The following SGCZ variants were observed in gnomAD, a reference collection of about 807,000 sequenced individuals.
The protein encoded by SGCZ is zeta-sarcoglycan.
Under a neutral mutation model 41.3 loss-of-function variants are expected in SGCZ, and 40 were observed. The observed-to-expected ratio is 0.97, with a 90% CI of 0.75 to 1.26. The LOEUF (loss-of-function observed/expected upper bound fraction) is 1.26. SGCZ is among the 50% of genes most tolerant of loss of function. The pLI is 0.00. For missense variants in SGCZ, 552 were observed against 369.8 expected, an observed-to-expected ratio of 1.49 and a Z score of -4.04; for synonymous variants, 206 against 137.5, an observed-to-expected ratio of 1.50 and a Z score of -3.49.
chr8:14,246,355 C>T (rs1338571129), intron 3 of SGCZ, among the ~76,000 whole-genome samples: 1 of 151,590 alleles, frequency 6.6e-6, no homozygotes, highest in South Asian at 2.1e-4. Flanking sequence ...GACAAAAAAC[C>T]AATCACTGCA....
intron 1 of SGCZ, among the ~76,000 whole-genome samples, chr8:14,631,977 T>C (rs1370193421): frequency 6.6e-6 from 1 of 152,148 alleles, no homozygotes; most frequent in Non-Finnish European, 1.5e-5. Context: ...ATTATTACAA[T>C]AGAAACATTT....
rs367691279 is a variant in SGCZ, at chr8:14,558,866, T to A, written c.40-3940A>T. 1.8e-3 allele frequency among the ~76,000 whole-genome samples: 280 copies of A among 151,870 alleles called. 1 individual carries two copies. Among genetic ancestry groups the A allele is most frequent in the African/African-American group, 6.5e-3 (270 of 41,420 alleles). ...AATATGATACACCACATAAATAGAA[T>A]CAGAAACAAAAATCACATAATCATC... On this transcript the variant is annotated intron_variant, in intron 1 of 7. Coordinates refer to ENST00000382080, the MANE Select transcript of SGCZ (RefSeq NM_139167.4).
intron 2 of SGCZ, among the ~76,000 whole-genome samples, chr8:14,533,346 C>A (rs1487949215): frequency 2.0e-5 from 3 of 151,834 alleles, no homozygotes; most frequent in Admixed American, 6.6e-5. Context: ...AAAAATTGGA[C>A]CTTTTCTTAT....
At chr8:15,199,460 AGATTCGAAT>A (rs1800829053) in intron 1 of SGCZ, among the ~76,000 whole-genome samples, 1 of 152,184 alleles carries the variant, frequency 6.6e-6, no homozygotes, top group South Asian at 2.1e-4. Context: ...ATTACTTATG[AGATTCGAAT>A]GATCCATGTG....
Position 14,275,304 on chromosome 8 carries a change from T to C in SGCZ, c.337-37625A>G, listed in dbSNP as rs559431038. 5.3e-5 allele frequency among the ~76,000 whole-genome samples: 8 copies of C among 152,290 alleles called. No homozygotes were observed. In the East Asian group the frequency reaches 1.5e-3, roughly 29 times the overall value. ...TCTCAGTAGGATGACTTCTTCCCTA[T>C]CCCTTTTGATAAAACCTGATCAAAA... On this transcript the variant is annotated intron_variant, in intron 3 of 7. Coordinates refer to ENST00000382080, the MANE Select transcript of SGCZ (RefSeq NM_139167.4).
intron 1 of SGCZ, among the ~76,000 whole-genome samples, chr8:15,218,083 T>C (rs1227609421): frequency 6.6e-6 from 1 of 152,200 alleles, no homozygotes; most frequent in Non-Finnish European, 1.5e-5. Context: ...TTACATAAAA[T>C]ACATGTATTT....
At chr8:14,759,563 G>A (rs759722352) in intron 1 of SGCZ, among the ~76,000 whole-genome samples, 60 of 152,074 alleles carry the variant, frequency 3.9e-4, no homozygotes, top group Non-Finnish European at 8.1e-4. Context: ...AGTCTCTAAT[G>A]ATTTCTTGGT....
intron 1 of SGCZ, among the ~76,000 whole-genome samples, chr8:15,048,234 G>C (rs1218255752): frequency 6.6e-6 from 1 of 151,996 alleles, no homozygotes; most frequent in African/African-American, 2.4e-5. Flanking sequence ...GGCACAGAAA[G>C]AAAAATATCA....
intron 2 of SGCZ, among the ~76,000 whole-genome samples, chr8:14,401,929 C>T (rs1243878387): frequency 1.3e-5 from 2 of 150,784 alleles, no homozygotes; most frequent in African/African-American, 5.0e-5. Context: ...TCCTATTTCT[C>T]CACAACCTCT....
At chr8:14,890,110 G>A (rs977481880) in intron 1 of SGCZ, among the ~76,000 whole-genome samples, 28 of 151,908 alleles carry the variant, frequency 1.8e-4, no homozygotes, top group Admixed American at 7.9e-4. Flanking sequence ...CCAGCTACTC[G>A]GGAGGCTGAG....
intron 3 of SGCZ, among the ~76,000 whole-genome samples, chr8:14,311,503 G>T (rs1421794089): frequency 6.6e-6 from 1 of 152,138 alleles, no homozygotes; most frequent in Non-Finnish European, 1.5e-5. Flanking sequence ...TTCACAGCTA[G>T]ATCTCTTCAA....
At chr8:14,777,793 A>T (rs1486504906) in intron 1 of SGCZ, among the ~76,000 whole-genome samples, 5 of 152,094 alleles carry the variant, frequency 3.3e-5, no homozygotes, top group Non-Finnish European at 7.4e-5. Context: ...GGAGTAATAG[A>T]GAAAATAAAG....
intron 1 of SGCZ, among the ~76,000 whole-genome samples, chr8:15,156,434 C>T (rs958686943): frequency 6.6e-6 from 1 of 152,180 alleles, no homozygotes; most frequent in Non-Finnish European, 1.5e-5. Flanking sequence ...CTCATTTTAT[C>T]AGCATGGTGA....
intron 1 of SGCZ, among the ~76,000 whole-genome samples, chr8:15,136,998 G>A (rs760172349): frequency 6.6e-6 from 1 of 152,214 alleles, no homozygotes; most frequent in African/African-American, 2.4e-5. Context: ...TTAGAGACTT[G>A]AAGGGCTTAG....
intron 2 of SGCZ, among the ~76,000 whole-genome samples, chr8:14,540,555 C>T (rs1803434155): frequency 6.6e-6 from 1 of 151,592 alleles, no homozygotes; most frequent in African/African-American, 2.4e-5. Flanking sequence ...GGCTTTATTT[C>T]TGTCTTATTT....
intron 1 of SGCZ, among the ~76,000 whole-genome samples, chr8:14,798,066 T>C (rs186796256): frequency 6.1e-4 from 93 of 152,322 alleles, no homozygotes; most frequent in Non-Finnish European, 1.1e-3. Context: ...AAAGGAAATG[T>C]TGGGGCCCAC....
chr8:14,101,776 TA>T (rs879661919), intron 7 of SGCZ, among the ~76,000 whole-genome samples: 3,649 of 141,458 alleles, frequency 0.026, 132 homozygotes, highest in African/African-American at 0.081. Context: ...TAACAAGAAT[TA>T]AAAAAAAAAA....
At chr8:14,504,201 G>C (rs778687037) in intron 2 of SGCZ, among the ~76,000 whole-genome samples, 1 of 152,116 alleles carries the variant, frequency 6.6e-6, no homozygotes, top group Non-Finnish European at 1.5e-5. Flanking sequence ...AATTCAATTT[G>C]CCTTTAAATG....
intron 1 of SGCZ, among the ~76,000 whole-genome samples, chr8:15,160,442 T>C (rs1473708924): frequency 6.6e-6 from 1 of 152,216 alleles, no homozygotes; most frequent in Non-Finnish European, 1.5e-5. Context: ...AACGCTGCTA[T>C]GAACAGACGT....
Sources: allele counts gnomAD v4.1 joint callset (sites outside exome capture counted in the v4.1 genomes callset), GRCh38; gene constraint gnomAD v4.1.1; transcripts MANE v1.5; gene names NCBI Gene and HGNC (gene_info 2026-07-23, HGNC 2026-07-21).